DGKD: variants seen among roughly 807,000 people sequenced by gnomAD.
DGKD encodes diacylglycerol kinase delta, also known as DAG kinase delta.
Under a neutral mutation model 154.4 loss-of-function variants are expected in DGKD, and 68 were observed. That is an observed-to-expected ratio of 0.44 (90% CI 0.36 to 0.54). The LOEUF is 0.54. Ranked by LOEUF, DGKD falls within the 20% of genes least tolerant of loss-of-function variation. DGKD has a pLI of 0.00. For synonymous variants in DGKD, 693 were observed against 638.0 expected (o/e 1.09, Z -1.30); for missense variants, 1,343 against 1,593.6 (o/e 0.84, Z 2.68).
At chr2:233,390,690 A>C (rs567375942) in intron 3 of DGKD, among the ~76,000 whole-genome samples, 63 of 152,340 alleles carry the variant, frequency 4.1e-4, no homozygotes, top group African/African-American at 1.4e-3. Context: ...CAAAAGGACA[A>C]TAGGGACCAA....
At chr2:233,451,097 A>G (rs769867732) in intron 17 of DGKD, 47 bp downstream of exon 17, 14 of 1,567,476 alleles carry the variant, frequency 8.9e-6, no homozygotes, top group Non-Finnish European at 1.2e-5. Flanking sequence ...CTAGCACAAC[A>G]CTGGTCCCGT....
rs765530410 is a variant in DGKD at position 233,435,842 on chromosome 2, G to T, written c.611G>T (p.Arg204Leu). 2 of 1,612,624 alleles carry T rather than the reference G, an allele frequency of 1.2e-6. No homozygotes were observed. The highest frequency in any genetic ancestry group is 1.1e-5 in the South Asian group (1 of 90,912). Residue 204 changes from arginine (R) to leucine (L), a missense_variant, in exon 6 of 30, where the codon CGC (arginine) becomes CTC (leucine). Transcript: ENST00000264057. ...GTGTGCAAATTTAAGGCCCACAAGC[G>T]CTGTGCTGTGCGTGCAACCAATAAC... ...CEVCKFKAHK[R>L]CAVRATNNCK...
intron 1 of DGKD, among the ~76,000 whole-genome samples, chr2:233,367,315 G>A (rs907758749): frequency 9.3e-5 from 14 of 150,686 alleles, no homozygotes; most frequent in Non-Finnish European, 1.3e-4. Context: ...TGCAACCTCC[G>A]CCTCCCAGGT....
rs751388605 is a variant in DGKD, at chr2:233,449,299, G to A, written c.1811G>A (p.Arg604Gln). 1.5e-5 allele frequency: 24 copies of A among 1,613,110 alleles called. 1 individual carries two copies. The Middle Eastern group carries it at 8.2e-4, about 55-fold the overall frequency. Residue 604 changes from arginine to glutamine, a missense_variant, in exon 15 of 30, where the codon CGG becomes CAG. Around this residue, in one of 6 missense-constraint regions of DGKD, gnomAD observed 409 missense variants for 446.0 expected, o/e 0.92. Transcript: ENST00000264057. The surrounding 1 kb of genome is among the most constrained non-coding windows in gnomAD (Gnocchi z 5.3). ...TGCCCGGCCCGGCCGCAGATATTCCGGCCTCGAGAACAGCTCATGCTGAGA... is the reference window on the plus strand; with the variant it reads ...TGCCCGGCCCGGCCGCAGATATTCCAGCCTCGAGAACAGCTCATGCTGAGA... ...SACPARPQIF[R>Q]PREQLMLRAN...
intron 1 of DGKD, among the ~76,000 whole-genome samples, chr2:233,379,642 C>T (rs1407279172): frequency 2.6e-5 from 4 of 152,222 alleles, no homozygotes; most frequent in Non-Finnish European, 4.4e-5. Flanking sequence ...GAAATCCTCC[C>T]GTTGAGAGAA....
chr2:233,373,215 T>A (rs775051273), intron 1 of DGKD, among the ~76,000 whole-genome samples: 1 of 152,104 alleles, frequency 6.6e-6, no homozygotes, highest in Non-Finnish European at 1.5e-5. Context: ...CTATGTGATG[T>A]TGGAGAAATA....
intron 3 of DGKD, among the ~76,000 whole-genome samples, chr2:233,410,050 C>G (rs1372369407): frequency 1.3e-5 from 2 of 151,998 alleles, no homozygotes; most frequent in Non-Finnish European, 2.9e-5. Context: ...GGCTGGTCAA[C>G]ATGATCCAAT....
chr2:233,460,231 A>C lies in DGKD; in HGVS notation c.2867A>C (p.Gln956Pro). Residue 956 changes from glutamine (Q) to proline (P), a missense_variant, in exon 24 of 30, where the codon CAG (glutamine) becomes CCG (proline). This residue lies in a region of DGKD where 429 missense variants were observed against 496.3 expected (regional missense o/e 0.86). Coordinates refer to ENST00000264057, the MANE Select transcript of DGKD (RefSeq NM_152879.3). Reference protein sequence around the residue: ...ESTLKSWEDKQKCELPRPPSC... With the variant: ...ESTLKSWEDKPKCELPRPPSC... ...ACCCTGAAGTCCTGGGAAGACAAGC[A>C]GAAGTGCGAGCTGCCCCGCCCTCCA... 1 of 1,613,966 alleles carries C rather than the reference A, an allele frequency of 6.2e-7. No individual in the cohort carries two copies. The highest frequency in any genetic ancestry group is 8.5e-7 in the Non-Finnish European group (1 of 1,179,972).
intron 3 of DGKD, among the ~76,000 whole-genome samples, chr2:233,407,024 G>A (rs550160576): frequency 6.6e-6 from 1 of 152,206 alleles, no homozygotes; most frequent in Admixed American, 6.5e-5. Flanking sequence ...CTTGTTAGCT[G>A]TGTGACCTAG....
chr2:233,369,548 G>C (rs1023868334), intron 1 of DGKD, among the ~76,000 whole-genome samples: 3 of 152,152 alleles, frequency 2.0e-5, no homozygotes, highest in African/African-American at 7.2e-5. Context: ...ATTCATTTCA[G>C]GTTTGTGCAT....
chr2:233,403,032 T>G (rs529187852), intron 3 of DGKD, among the ~76,000 whole-genome samples: 41 of 152,120 alleles, frequency 2.7e-4, no homozygotes, highest in Admixed American at 9.2e-4. Context: ...GAGGTAAGCT[T>G]CTCTGAGGAG....
At chr2:233,400,385 G>A (rs1255741756) in intron 3 of DGKD, among the ~76,000 whole-genome samples, 1 of 152,152 alleles carries the variant, frequency 6.6e-6, no homozygotes, top group Admixed American at 6.5e-5. Context: ...TGGTGATGCA[G>A]GGTGGCCATT....
intron 1 of DGKD, chr2:233,380,012 A>C (rs1702800541): frequency 6.6e-6 from 1 of 152,248 alleles, no homozygotes; most frequent in Non-Finnish European, 1.5e-5. Context: ...TCTGGGTCAC[A>C]CGTTGAGAGG....
Position 233,469,376 on chromosome 2 carries a change from G to A in DGKD, c.3561G>A (p.Leu1187=), listed in dbSNP as rs770638875. 1.2e-6 allele frequency: 2 copies of A among 1,611,588 alleles called. No homozygotes were observed. Among genetic ancestry groups the A allele is most frequent in the Non-Finnish European group, 1.7e-6 (2 of 1,179,012 alleles). ...LHLERRDLKD[L]GVTKVGHMKR... is the part of the protein sequence containing the mutation. ...CGGTGTCTTCTCTGTTGCAGGACCTGGGCGTGACCAAGGTGGGCCACATGA... is the reference window on the plus strand; with the variant it reads ...CGGTGTCTTCTCTGTTGCAGGACCTAGGCGTGACCAAGGTGGGCCACATGA... Residue 1187 remains leucine (L), a synonymous_variant, in exon 30 of 30, where the codon CTG becomes CTA. Transcript: ENST00000264057.
At chr2:233,374,894 C>G (rs1033344629) in intron 1 of DGKD, among the ~76,000 whole-genome samples, 13 of 152,098 alleles carry the variant, frequency 8.5e-5, no homozygotes, top group Non-Finnish European at 1.9e-4. Flanking sequence ...GTCTTGAATT[C>G]CTGGGCTCAA....
At chr2:233,423,263 A>T (rs973756115) in intron 3 of DGKD, among the ~76,000 whole-genome samples, 1 of 152,176 alleles carries the variant, frequency 6.6e-6, no homozygotes, top group African/African-American at 2.4e-5. Context: ...TTTCTCTGGG[A>T]TAAATGCTGA....
rs549296480 is a variant in DGKD, at chr2:233,428,224, G to A, written c.349-6156G>A. On this transcript the variant is annotated intron_variant, in intron 3 of 29. Coordinates refer to ENST00000264057, the MANE Select transcript of DGKD (RefSeq NM_152879.3). ...AGGAGGGGTGTGCTGAGAAGATGGA[G>A]GCATGGCATGGAAGTGTGAGTCATG... Among the ~76,000 whole-genome samples the A allele has an allele frequency of 2.6e-5, 4 of 152,284 alleles. No homozygotes were observed. In the South Asian group the frequency reaches 8.3e-4, roughly 32 times the overall value.
Position 233,448,153 on chromosome 2 carries a change from CA to C in DGKD, c.1487del (p.Gln496ArgfsTer16). On this transcript the variant is annotated frameshift_variant, in exon 13 of 30. Coordinates refer to ENST00000264057, the MANE Select transcript of DGKD (RefSeq NM_152879.3). LOFTEE classifies it high-confidence loss of function. The part of the protein sequence containing the change: ...AHLSKILTSD[Q>X]HSVVISSAKV... ...CCTTTCTAAAATCCTCACCTCGGACCAGCACTCGGTGGTCATCTCCTCGGCC... is the reference window on the plus strand; with the variant it reads ...CCTTTCTAAAATCCTCACCTCGGACCGCACTCGGTGGTCATCTCCTCGGCC... 1.9e-6 allele frequency: 3 copies of C among 1,614,122 alleles called. No homozygotes were observed. The highest frequency in any genetic ancestry group is 2.5e-6 in the Non-Finnish European group (3 of 1,180,006).
chr2:233,404,911 C>G (rs2061646721), intron 3 of DGKD, among the ~76,000 whole-genome samples: 2 of 151,986 alleles, frequency 1.3e-5, no homozygotes, highest in Non-Finnish European at 2.9e-5. Flanking sequence ...TACACACTTG[C>G]ATGAGGGATG....
Sources: allele counts gnomAD v4.1 joint callset (sites outside exome capture counted in the v4.1 genomes callset), GRCh38; gene constraint gnomAD v4.1.1; regional missense constraint gnomAD v4.1.1; non-coding constraint Gnocchi (gnomAD v3.1); transcripts MANE v1.5; gene names NCBI Gene and HGNC (gene_info 2026-07-23, HGNC 2026-07-21).